Variants in DNM3 observed in about 807,000 individuals in gnomAD.
The protein encoded by DNM3 is dynamin 3.
DNM3 carries 47 observed loss-of-function variants against 101.6 expected under a neutral mutation model. The ratio of observed to expected loss-of-function variants is 0.46; its 90% CI spans 0.37 to 0.59. The LOEUF is 0.59. DNM3 is among the 20% of genes least tolerant of loss of function. The pLI is 0.00. For missense variants in DNM3, 849 were observed against 1,085.7 expected, an observed-to-expected ratio of 0.78 and a Z score of 3.06; for synonymous variants, 385 against 387.9, an observed-to-expected ratio of 0.99 and a Z score of 0.09.
intron 1 of DNM3, among the ~76,000 whole-genome samples, chr1:171,859,111 T>C (rs2033916363): frequency 6.6e-6 from 1 of 152,196 alleles, no homozygotes; most frequent in Non-Finnish European, 1.5e-5. Context: ...TACAAGGCCC[T>C]GTGTAGCCCA....
chr1:171,976,873 A>G (rs2044412312), intron 2 of DNM3, among the ~76,000 whole-genome samples: 1 of 152,302 alleles, frequency 6.6e-6, no homozygotes. Context: ...AATCTCATTT[A>G]TAAATTTTGT....
chr1:172,240,400 A>AT (rs1317232934), intron 14 of DNM3, among the ~76,000 whole-genome samples: 1 of 152,140 alleles, frequency 6.6e-6, no homozygotes, highest in East Asian at 1.9e-4. Context: ...ATGGGGGGAA[A>AT]TTTAAACCAT....
In DNM3 at chr1:172,110,225, T is replaced by G. The variant is rs567005524; in HGVS notation, c.1545+17350T>G. ...CTTTCTCTGTTCTTCTTTTCCATTA[T>G]TGCCAAAACATCATTTCATTTATCA... On this transcript the variant is annotated intron_variant, in intron 13 of 20. Coordinates refer to ENST00000627582, the MANE Select transcript of DNM3 (RefSeq NM_015569.5). Among the ~76,000 whole-genome samples, 28 of 152,352 alleles carry G rather than the reference T, an allele frequency of 1.8e-4. No individual in the cohort carries two copies. The South Asian group carries it at 5.4e-3, about 29-fold the overall frequency.
rs1572271262 is a variant in DNM3 at position 172,053,078 on chromosome 1, A to G, written c.1335+4328A>G. Among the ~76,000 whole-genome samples, 3 of 152,104 alleles carry G rather than the reference A, an allele frequency of 2.0e-5. No individual in the cohort carries two copies. In the East Asian group the frequency reaches 5.8e-4, roughly 29 times the overall value. On this transcript the variant is annotated intron_variant, in intron 10 of 20. Coordinates refer to ENST00000627582, the MANE Select transcript of DNM3 (RefSeq NM_015569.5). ...AAATACAGCTATGCCTTTTGCCTAT[A>G]TCCTCAAAATTATTCAACGACTCCT... is the stretch of plus-strand genomic sequence containing the variant.
In DNM3 at chr1:171,904,247, G is replaced by A. The variant is rs145989466; in HGVS notation, c.162-17501G>A. The stretch of plus-strand genomic sequence containing the variant: ...CACCTGAGCCCAGGAGATAGAGGTT[G>A]CAGTGAGCTGAGATTGTGCCACTGC... On this transcript the variant is annotated intron_variant, in intron 1 of 20. Transcript: ENST00000627582. Among the ~76,000 whole-genome samples the A allele has an allele frequency of 4.6e-3, 696 of 152,218 alleles. 8 individuals carry two copies. Among genetic ancestry groups the A allele is most frequent in the African/African-American group, 0.016 (656 of 41,548 alleles).
At chr1:172,073,053 G>A (rs1187579026) in intron 11 of DNM3, among the ~76,000 whole-genome samples, 1 of 151,870 alleles carries the variant, frequency 6.6e-6, no homozygotes, top group East Asian at 1.9e-4. Flanking sequence ...CTTCTATGGA[G>A]TGTACATTCT....
chr1:172,260,311 T>G (rs941904779), intron 15 of DNM3, among the ~76,000 whole-genome samples: 8 of 152,108 alleles, frequency 5.3e-5, no homozygotes, highest in Non-Finnish European at 1.0e-4. Flanking sequence ...AAGAAGACCT[T>G]TTCAAATTGT....
chr1:172,073,562 T>C (rs1418308497), intron 11 of DNM3, among the ~76,000 whole-genome samples: 4 of 152,212 alleles, frequency 2.6e-5, no homozygotes, highest in Admixed American at 2.0e-4. Context: ...ATAAGGATCA[T>C]GGATGGCTTT....
intron 1 of DNM3, among the ~76,000 whole-genome samples, chr1:171,859,182 C>G (rs1163763166): frequency 6.6e-6 from 1 of 152,116 alleles, no homozygotes; most frequent in African/African-American, 2.4e-5. Context: ...CCCCTAGACA[C>G]CCACCACGCT....
At chr1:171,860,248 C>G (rs941488477) in intron 1 of DNM3, among the ~76,000 whole-genome samples, 1 of 152,030 alleles carries the variant, frequency 6.6e-6, no homozygotes, top group African/African-American at 2.4e-5. Flanking sequence ...AAAAATATAA[C>G]GAATTCAGTT....
chr1:172,216,686 G>A (rs1260007415), intron 14 of DNM3, among the ~76,000 whole-genome samples: 1 of 152,026 alleles, frequency 6.6e-6, no homozygotes, highest in Non-Finnish European at 1.5e-5. Flanking sequence ...TTACTTCTGT[G>A]ATTGCTAAAG....
chr1:172,311,678 A>G (rs1378216572), intron 16 of DNM3, among the ~76,000 whole-genome samples: 2 of 152,226 alleles, frequency 1.3e-5, no homozygotes, highest in Non-Finnish European at 2.9e-5. Flanking sequence ...TCTCCCAGTA[A>G]ACTGGCTGGA....
At chr1:171,883,791 A>G (rs945669740) in intron 1 of DNM3, among the ~76,000 whole-genome samples, 1 of 152,014 alleles carries the variant, frequency 6.6e-6, no homozygotes, top group Non-Finnish European at 1.5e-5. Context: ...TTTTTCCTAA[A>G]ATTACTTAAG....
intron 7 of DNM3, among the ~76,000 whole-genome samples, chr1:172,038,984 A>C (rs1331208874): frequency 6.6e-6 from 1 of 151,980 alleles, no homozygotes; most frequent in Non-Finnish European, 1.5e-5. Flanking sequence ...TCCTTTGAAA[A>C]TGTAAATGTG....
At chr1:171,987,149 T>C (rs1447967436) in intron 2 of DNM3, among the ~76,000 whole-genome samples, 2 of 152,156 alleles carry the variant, frequency 1.3e-5, no homozygotes, top group Non-Finnish European at 2.9e-5. Flanking sequence ...TTTTCAATAG[T>C]GTGTTTTTAA....
intron 10 of DNM3, among the ~76,000 whole-genome samples, chr1:172,064,097 C>T (rs1012063148): frequency 6.6e-5 from 10 of 152,210 alleles, no homozygotes; most frequent in South Asian, 4.1e-4. Flanking sequence ...CCATGAATGA[C>T]TGATGTGACA....
Position 171,894,454 on chromosome 1 carries a change from G to T in DNM3, c.162-27294G>T, listed in dbSNP as rs558748518. The stretch of plus-strand genomic sequence containing the variant: ...GAATCTCTCTGTGTCTCCCAGGCTG[G>T]AGTGCAGTGGCATGATCTCGGCTCA... On this transcript the variant is annotated intron_variant, in intron 1 of 20. Transcript: ENST00000627582. Among the ~76,000 whole-genome samples, 279 of 151,910 alleles carry T rather than the reference G, an allele frequency of 1.8e-3. 1 individual carries two copies. Among genetic ancestry groups the T allele is most frequent in the African/African-American group, 6.4e-3 (265 of 41,434 alleles).
In DNM3 at chr1:172,273,516, A is replaced by C. The variant is rs550708512; in HGVS notation, c.1769+19834A>C. 2.0e-5 allele frequency among the ~76,000 whole-genome samples: 3 copies of C among 152,238 alleles called. No homozygotes were observed. The South Asian group carries it at 6.2e-4, about 32-fold the overall frequency. On this transcript the variant is annotated intron_variant, in intron 15 of 20. Coordinates refer to ENST00000627582, the MANE Select transcript of DNM3 (RefSeq NM_015569.5). ...GGCCCAAGGGAAACTTTAGGATTTC[A>C]AAATCACAATGTATTGGATGATAAT... is the stretch of plus-strand genomic sequence containing the variant.
intron 9 of DNM3, among the ~76,000 whole-genome samples, chr1:172,047,820 G>A (rs756665102): frequency 3.9e-5 from 6 of 152,066 alleles, no homozygotes; most frequent in Non-Finnish European, 8.8e-5. Context: ...GGTGGGGAGG[G>A]GAGAGAAGAG....
Sources: allele counts gnomAD v4.1 joint callset (sites outside exome capture counted in the v4.1 genomes callset), GRCh38; gene constraint gnomAD v4.1.1; transcripts MANE v1.5; gene names NCBI Gene and HGNC (gene_info 2026-07-23, HGNC 2026-07-21).